Variants in RBFOX2 observed in about 807,000 individuals in gnomAD.
The protein encoded by RBFOX2 is RNA binding protein fox-1 homolog 2.
Under a neutral mutation model 49.1 loss-of-function variants are expected in RBFOX2, and 10 were observed. The ratio of observed to expected loss-of-function variants is 0.20; its 90% CI spans 0.13 to 0.35. The LOEUF (loss-of-function observed/expected upper bound fraction) is 0.35, where lower values mean the gene tolerates loss of function less well. Among genes scored for constraint, RBFOX2 ranks in the 10% least tolerant of loss-of-function variants. The probability of loss-of-function intolerance (pLI) is 1.00; values close to 1 mark genes in which losing one functional copy is unlikely to be tolerated. For missense variants in RBFOX2, 323 were observed against 486.9 expected (o/e 0.66, Z 3.17); for synonymous variants, 183 against 187.4 (o/e 0.98, Z 0.19).
At chr22:36,019,177 C>T (rs1045883672) in intron 1 of RBFOX2, among the ~76,000 whole-genome samples, 3 of 152,198 alleles carry the variant, frequency 2.0e-5, no homozygotes, top group Admixed American at 6.5e-5. Flanking sequence ...AGAGATCCCA[C>T]GGGTTCTAAG....
intron 2 of RBFOX2, among the ~76,000 whole-genome samples, chr22:35,796,741 C>T (rs1436520983): frequency 7.2e-6 from 1 of 138,524 alleles, no homozygotes; most frequent in Non-Finnish European, 1.6e-5. Context: ...TATCGGCTTA[C>T]TGAGTTACGG....
At chr22:35,886,866 G>A (rs2046650395) in intron 1 of RBFOX2, among the ~76,000 whole-genome samples, 1 of 152,142 alleles carries the variant, frequency 6.6e-6, no homozygotes, top group Admixed American at 6.5e-5. Flanking sequence ...GAAGGAGAAA[G>A]GGGAGTTAGT....
chr22:35,956,731 C>T (rs1456517751), intron 1 of RBFOX2, among the ~76,000 whole-genome samples: 1 of 152,044 alleles, frequency 6.6e-6, no homozygotes, highest in Non-Finnish European at 1.5e-5. Context: ...AAATGGCATC[C>T]CATGAAAAAA....
chr22:35,777,810 T>C, intron 4 of RBFOX2: 1 of 553,382 alleles, frequency 1.8e-6, no homozygotes. Flanking sequence ...CCTTCTCTGC[T>C]TCTTACTTCA....
At chr22:35,781,687 A>G (rs1166532130) in exon 3 of RBFOX2, 2 of 1,614,144 alleles carry the variant, frequency 1.2e-6, no homozygotes. Context: ...TACTCTCTGA[A>G]TTTTCACTAC....
intron 1 of RBFOX2, among the ~76,000 whole-genome samples, chr22:35,827,796 T>C (rs185761161): frequency 3.2e-4 from 49 of 152,314 alleles, no homozygotes; most frequent in Non-Finnish European, 5.1e-4. Flanking sequence ...TAAAAATATA[T>C]TCAATGCAAC....
intron 1 of RBFOX2, among the ~76,000 whole-genome samples, chr22:35,905,583 A>G (rs1036808770): frequency 1.4e-4 from 21 of 152,348 alleles, no homozygotes; most frequent in East Asian, 5.8e-4. Context: ...TCAGCCATGA[A>G]GAAGAGAAAT....
At chr22:35,843,530 G>A (rs907781263), upstream of RBFOX2, among the ~76,000 whole-genome samples, 12 of 152,042 alleles carry the variant, frequency 7.9e-5, no homozygotes, top group African/African-American at 2.9e-4. Context: ...AGTCACTGAA[G>A]ACCTCCAAAT....
chr22:35,765,321 C>A (rs1940583584), intron 6 of RBFOX2, 102 bp downstream of exon 7: 1 of 846,258 alleles, frequency 1.2e-6, no homozygotes, highest in Non-Finnish European at 1.8e-6. Context: ...CAACACAAAT[C>A]AAACTGTCTT....
intron 1 of RBFOX2, among the ~76,000 whole-genome samples, chr22:35,951,763 A>C (rs2054968939): frequency 6.6e-6 from 1 of 152,248 alleles, no homozygotes; most frequent in South Asian, 2.1e-4. Flanking sequence ...ACTGAGGCTC[A>C]GAAAAACTAT....
chr22:35,925,055 G>A (rs1191674244), intron 1 of RBFOX2, among the ~76,000 whole-genome samples: 2 of 151,886 alleles, frequency 1.3e-5, no homozygotes, highest in Non-Finnish European at 2.9e-5. Flanking sequence ...AGCCAGACGT[G>A]GTGGCGCATA....
At chr22:35,986,957 C>CT (rs200947927) in intron 1 of RBFOX2, among the ~76,000 whole-genome samples, 3,558 of 141,882 alleles carry the variant, frequency 0.025, 124 homozygotes, top group African/African-American at 0.083. Flanking sequence ...ATAAAGATCT[C>CT]TTTTTTTTTT....
intron 2 of RBFOX2, among the ~76,000 whole-genome samples, chr22:35,805,545 C>A (rs763296600): frequency 6.6e-5 from 10 of 152,034 alleles, no homozygotes; most frequent in Non-Finnish European, 1.5e-4. Flanking sequence ...AACGGTAGAG[C>A]CACTCTGGAA....
chr22:35,775,841 C>CAAAAAAAAAAAAAAAAAAAAA (rs753116056), intron 4 of RBFOX2, among the ~76,000 whole-genome samples: 27 of 56,028 alleles, frequency 4.8e-4, no homozygotes, highest in Non-Finnish European at 6.6e-4. Flanking sequence ...GAATCTGCCT[C>CAAAAAAAAAAAAAAAAAAAAA]AAAAAAAAAA....
chr22:35,842,859 A>G (rs185190663), upstream of RBFOX2, among the ~76,000 whole-genome samples: 4 of 152,258 alleles, frequency 2.6e-5, no homozygotes, highest in East Asian at 7.7e-4. Context: ...CCACATGCAA[A>G]AAGTCCAAGA....
Position 35,869,469 on chromosome 22 carries a change from CAAAAAAAAAAAAAA to C in RBFOX2, c.-33-59479_-33-59466del, listed in dbSNP as rs35854576. Among the ~76,000 whole-genome samples the C allele has an allele frequency of 2.1e-3, 63 of 30,568 alleles. No individual in the cohort carries two copies. In the South Asian group the frequency reaches 0.083, roughly 40 times the overall value. The allele number at this position is 30,568 out of a possible 152,430, so 20.1% of individuals were successfully genotyped here. A position where few individuals can be genotyped will look rare whatever the true frequency, so the allele number is the denominator to read the frequency against. On this transcript the variant is annotated intron_variant, in intron 1 of 13. Coordinates refer to the RBFOX2 transcript ENST00000359369. The stretch of plus-strand genomic sequence containing the variant: ...CCACCACACCCAGCCAACGGCTGAC[CAAAAAAAAAAAAAA>C]AAAAAAAAAAAAAAAAAAAAAATGT...
chr22:35,789,373 T>C (rs2147417428), intron 2 of RBFOX2, among the ~76,000 whole-genome samples: 1 of 152,112 alleles, frequency 6.6e-6, no homozygotes, highest in Middle Eastern at 3.4e-3. Flanking sequence ...TGAAACCCTG[T>C]TTCTACTAAA....
exon 12 of RBFOX2, chr22:35,743,390 T>C (rs907232603): frequency 2.6e-5 from 4 of 152,188 alleles, no homozygotes; most frequent in African/African-American, 9.7e-5. Context: ...AGAAGAAGCC[T>C]AGAAGGAATG....
At chr22:35,961,318 AT>A (rs1167089535) in intron 1 of RBFOX2, among the ~76,000 whole-genome samples, 1 of 152,228 alleles carries the variant, frequency 6.6e-6, no homozygotes, top group Non-Finnish European at 1.5e-5. Flanking sequence ...ATAAAAAGAT[AT>A]TACATTGCTA....
Sources: allele counts gnomAD v4.1 joint callset (sites outside exome capture counted in the v4.1 genomes callset), GRCh38; gene constraint gnomAD v4.1.1; transcripts MANE v1.5; gene names NCBI Gene and HGNC (gene_info 2026-07-23, HGNC 2026-07-21).